The following GFM1 variants were observed in gnomAD, a reference collection of about 807,000 sequenced individuals.
The protein encoded by GFM1 is G elongation factor mitochondrial 1.
GFM1 carries 62 observed loss-of-function variants against 96.2 expected under a neutral mutation model. The ratio of observed to expected loss-of-function variants is 0.64; its 90% CI spans 0.53 to 0.80. The LOEUF (loss-of-function observed/expected upper bound fraction) is 0.80, where lower values mean the gene tolerates loss of function less well. Ranked by LOEUF, GFM1 falls within the 30% of genes least tolerant of loss-of-function variation. GFM1 has a pLI of 0.00. For synonymous variants in GFM1, 282 were observed against 312.9 expected, an observed-to-expected ratio of 0.90 and a Z score of 1.04; for missense variants, 852 against 916.6, an observed-to-expected ratio of 0.93 and a Z score of 0.91.
In GFM1 at chr3:158,652,190, G is replaced by C. The variant is rs772686112; in HGVS notation, c.784G>C (p.Glu262Gln). The C allele has an allele frequency of 1.2e-6, 2 of 1,614,070 alleles. No individual in the cohort carries two copies. The highest frequency in any genetic ancestry group is 2.2e-5 in the East Asian group (1 of 44,882). Residue 262 changes from glutamate (E) to glutamine (Q), a missense_variant, in exon 6 of 18, where the codon GAA (glutamate) becomes CAA (glutamine). Physicochemically the swap from Glu to Gln is conservative, Grantham distance 29 (BLOSUM62 2). Coordinates refer to ENST00000486715, the MANE Select transcript of GFM1 (RefSeq NM_024996.7). ...AATTGAATGTGTTGCCAATTCAGATGAACAGCTTGGTGAGATGTTTCTGGA... is the reference window on the plus strand; with the variant it reads ...AATTGAATGTGTTGCCAATTCAGATCAACAGCTTGGTGAGATGTTTCTGGA... Reference protein sequence around the residue: ...ELIECVANSDEQLGEMFLEEK... With the variant: ...ELIECVANSDQQLGEMFLEEK...
At chr3:158,679,603 T>C (rs534170409) in intron 13 of GFM1, among the ~76,000 whole-genome samples, 2 of 152,350 alleles carry the variant, frequency 1.3e-5, no homozygotes, top group African/African-American at 2.4e-5. Flanking sequence ...TAAGGCTTTT[T>C]CTAAGAAGTT....
chr3:158,679,719 C>T (rs1290180445), intron 13 of GFM1, among the ~76,000 whole-genome samples: 1 of 152,028 alleles, frequency 6.6e-6, no homozygotes, highest in East Asian at 1.9e-4. Flanking sequence ...TGAATAGGTC[C>T]TCTGTTGATA....
Position 158,662,614 on chromosome 3 carries a change from A to T in GFM1, c.1324-14A>T, listed in dbSNP as rs1161606940. 2 of 1,538,118 alleles carry T rather than the reference A, an allele frequency of 1.3e-6. No homozygotes were observed. Among genetic ancestry groups the T allele is most frequent in the Non-Finnish European group, 1.8e-6 (2 of 1,111,992 alleles). ...TTTTTTAATTCTTCTGTTTTCTTTTAAAAAATATTTTAGGAGTCAATTCAT... is the reference window on the plus strand; with the variant it reads ...TTTTTTAATTCTTCTGTTTTCTTTTTAAAAATATTTTAGGAGTCAATTCAT... On this transcript the variant is annotated splice_polypyrimidine_tract_variant and intron_variant, in intron 10 of 17. Coordinates refer to ENST00000486715, the MANE Select transcript of GFM1 (RefSeq NM_024996.7).
At chr3:158,653,977 A>G (rs1004134338) in intron 7 of GFM1, among the ~76,000 whole-genome samples, 4 of 152,034 alleles carry the variant, frequency 2.6e-5, no homozygotes, top group African/African-American at 9.7e-5. Context: ...AGGCTGAGGC[A>G]GGAGAATCAC....
chr3:158,656,031 G>A (rs1722724818), intron 8 of GFM1: 1 of 417,326 alleles, frequency 2.4e-6, no homozygotes, highest in Non-Finnish European at 4.8e-6. Context: ...CTTTTCACAT[G>A]ATTAGATTGG....
intron 13 of GFM1, chr3:158,672,515 T>A (rs902558674): frequency 6.2e-7 from 1 of 1,611,734 alleles, no homozygotes; most frequent in East Asian, 2.2e-5. Context: ...TGGGCTACTC[T>A]GGCTTAACGG....
chr3:158,685,488 G>GA (rs1395045248), intron 15 of GFM1, among the ~76,000 whole-genome samples: 2 of 152,176 alleles, frequency 1.3e-5, no homozygotes, highest in Non-Finnish European at 2.9e-5. Flanking sequence ...GTGGACAGTA[G>GA]AAACTTTAAT....
chr3:158,654,205 C>CTTTTTTGT (rs1722543420), intron 7 of GFM1, among the ~76,000 whole-genome samples: 1 of 85,974 alleles, frequency 1.2e-5, no homozygotes, highest in African/African-American at 4.8e-5. Flanking sequence ...CTCTAAAGAC[C>CTTTTTTGT]TTTTTTTTTT....
At chr3:158,647,974 T>G in intron 4 of GFM1, among the ~76,000 whole-genome samples, 1 of 152,176 alleles carries the variant, frequency 6.6e-6, no homozygotes. Context: ...TCCTTCTCAT[T>G]TTGGATTGGG....
intron 5 of GFM1, among the ~76,000 whole-genome samples, 192 bp from the exon 6 acceptor site, chr3:158,651,904 T>C (rs1395887034): frequency 1.3e-5 from 2 of 152,230 alleles, no homozygotes; most frequent in Non-Finnish European, 2.9e-5. Flanking sequence ...ACTTGCCTAT[T>C]TCAGTATATT....
At chr3:158,656,065 G>A (rs968966063) in intron 8 of GFM1, 7 of 368,222 alleles carry the variant, frequency 1.9e-5, no homozygotes, top group African/African-American at 1.5e-4. Context: ...TAGGAGGACT[G>A]CCATCGAGGT....
intron 13 of GFM1, among the ~76,000 whole-genome samples, chr3:158,675,070 C>T (rs1055039662): frequency 6.6e-6 from 1 of 152,016 alleles, no homozygotes; most frequent in Non-Finnish European, 1.5e-5. Context: ...AGGTGGGTCA[C>T]GAGGTCAAGA....
At chr3:158,650,104 T>C (rs1722176008) in intron 5 of GFM1, 3 of 1,456,856 alleles carry the variant, frequency 2.1e-6, no homozygotes, top group Non-Finnish European at 2.8e-6. Context: ...AGAATTTATC[T>C]TCATCAGCCA....
At chr3:158,658,610 A>G (rs567817795) in intron 8 of GFM1, among the ~76,000 whole-genome samples, 2 of 152,304 alleles carry the variant, frequency 1.3e-5, no homozygotes, top group Non-Finnish European at 2.9e-5. Flanking sequence ...TATTAAACTT[A>G]TGAAATGTTA....
chr3:158,663,355 G>A (rs1309263317), intron 11 of GFM1, among the ~76,000 whole-genome samples: 1 of 152,156 alleles, frequency 6.6e-6, no homozygotes, highest in Non-Finnish European at 1.5e-5. Flanking sequence ...TCATGTTAAT[G>A]TGGTATATTG....
Position 158,644,721 on chromosome 3 carries a change from G to A in GFM1, c.81+6G>A. Reference sequence around the variant, plus strand: ...TAGGCTGGCAGAGGAAGCAGGTACCGGAGCATAGAGAGGCTAAATCGGGAC... The same window carrying A: ...TAGGCTGGCAGAGGAAGCAGGTACCAGAGCATAGAGAGGCTAAATCGGGAC... On this transcript the variant is annotated splice_donor_region_variant and intron_variant, in intron 1 of 17. Transcript: ENST00000486715. 1.3e-6 allele frequency: 2 copies of A among 1,571,242 alleles called. No individual in the cohort carries two copies. Among genetic ancestry groups the A allele is most frequent in the South Asian group, 2.3e-5 (2 of 85,448 alleles).
intron 13 of GFM1, chr3:158,668,916 A>T: frequency 7.9e-7 from 1 of 1,268,904 alleles, no homozygotes; most frequent in Non-Finnish European, 1.1e-6. Context: ...CTATAGGAAT[A>T]CTGTTAATCC....
At chr3:158,644,998 T>G (rs1267498529) in intron 1 of GFM1, 3 of 351,496 alleles carry the variant, frequency 8.5e-6, no homozygotes, top group Non-Finnish European at 1.5e-5. Context: ...TTTTTTTTTT[T>G]GCCTCTCTTT....
intron 11 of GFM1, among the ~76,000 whole-genome samples, chr3:158,663,486 T>G (rs1213548033): frequency 1.4e-5 from 2 of 143,424 alleles, no homozygotes; most frequent in African/African-American, 5.5e-5. Flanking sequence ...TACTACTACA[T>G]CTATTTTGAG....
Sources: gnomAD v4.1 joint callset for allele counts (sites outside exome capture counted in the v4.1 genomes callset) on GRCh38, gnomAD v4.1.1 for gene constraint, MANE v1.5 for transcripts, NCBI Gene and HGNC (gene_info 2026-07-23, HGNC 2026-07-21) for gene names.